The following NRG1 variants were observed in gnomAD, a reference collection of about 807,000 sequenced individuals.
NRG1 encodes the protein neuregulin 1, also known as pro-neuregulin-1, membrane-bound isoform.
A neutral mutation model predicts 63.8 loss-of-function variants in NRG1; 18 were observed. The ratio of observed to expected loss-of-function variants is 0.28; its 90% CI spans 0.19 to 0.42. The LOEUF is 0.42. Ranked by LOEUF, NRG1 falls within the 10% of genes least tolerant of loss-of-function variation. The pLI is 1.00. For synonymous variants in NRG1, 302 were observed against 301.3 expected (o/e 1.00, Z -0.02); for missense variants, 762 against 814.7 (o/e 0.94, Z 0.79).
chr8:31,787,238 C>T lies in NRG1; in HGVS notation c.37+147807C>T, dbSNP rs181284598. Among the ~76,000 whole-genome samples the T allele has an allele frequency of 2.3e-3, 348 of 152,286 alleles. 2 individuals carry two copies. Among genetic ancestry groups the T allele is most frequent in the Non-Finnish European group, 3.6e-3 (248 of 68,008 alleles). On this transcript the variant is annotated intron_variant, in intron 1 of 10. Transcript: ENST00000519301. ...ACCAGCAAAGCAGTTGCATTTGCAT[C>T]TTTAAAATGCAAGTGCAACTTCTTT...
chr8:31,976,768 A>G (rs989061142), intron 1 of NRG1, among the ~76,000 whole-genome samples: 3 of 152,098 alleles, frequency 2.0e-5, no homozygotes, highest in African/African-American at 7.2e-5. Flanking sequence ...TGAAACAGAC[A>G]ATGGTTCACA....
intron 1 of NRG1, among the ~76,000 whole-genome samples, chr8:31,917,118 T>G (rs1458173736): frequency 8.2e-6 from 1 of 122,020 alleles, no homozygotes; most frequent in Non-Finnish European, 1.7e-5. Context: ...CTTTGTCAGA[T>G]GAATAGGTTG....
chr8:31,869,476 C>CCA (rs1377966966), intron 1 of NRG1, among the ~76,000 whole-genome samples: 1 of 152,162 alleles, frequency 6.6e-6, no homozygotes, highest in African/African-American at 2.4e-5. Flanking sequence ...CCAGACATTG[C>CCA]CACATCATTC....
rs560565314 is a variant in NRG1 at position 32,078,437 on chromosome 8, C to G, written c.37+439006C>G. ...ACCATGAGCCAAATCAACCACTTTT[C>G]TTTATGAATTATTCAGTCCCAGGTA... On this transcript the variant is annotated intron_variant, in intron 1 of 10. Coordinates refer to the NRG1 transcript ENST00000519301. 4.4e-4 allele frequency among the ~76,000 whole-genome samples: 67 copies of G among 152,298 alleles called. No homozygotes were observed. The Middle Eastern group carries it at 0.014, about 31-fold the overall frequency.
chr8:32,158,811 A>G (rs1003480380), intron 1 of NRG1, among the ~76,000 whole-genome samples: 3 of 152,000 alleles, frequency 2.0e-5, no homozygotes, highest in African/African-American at 7.2e-5. Context: ...GTTGGGAGGT[A>G]AGGGTGAGGG....
At chr8:32,373,533 A>G (rs1809205016) in intron 1 of NRG1, among the ~76,000 whole-genome samples, 1 of 152,208 alleles carries the variant, frequency 6.6e-6, no homozygotes, top group Non-Finnish European at 1.5e-5. Context: ...TATTAAGTAA[A>G]TCAATACATG....
rs189360490 is a variant in NRG1, at chr8:32,199,179, C to A, written c.38-396649C>A. 6.6e-5 allele frequency among the ~76,000 whole-genome samples: 10 copies of A among 152,118 alleles called. No homozygotes were observed. In the East Asian group the frequency reaches 1.9e-3, roughly 29 times the overall value. On this transcript the variant is annotated intron_variant, in intron 1 of 10. Transcript: ENST00000519301. ...GTCATATGCCTATCCATGGAGTTAA[C>A]CTAGTTTCATTTTGTTTTTCATGGC... is the stretch of plus-strand genomic sequence containing the variant.
intron 1 of NRG1, among the ~76,000 whole-genome samples, chr8:32,060,920 G>C (rs1823741822): frequency 6.6e-6 from 1 of 151,518 alleles, no homozygotes; most frequent in African/African-American, 2.4e-5. Context: ...GCTAAGATTA[G>C]GTTTTAGATT....
chr8:32,740,247 G>A (rs1300841769), intron 6 of NRG1, among the ~76,000 whole-genome samples: 2 of 140,672 alleles, frequency 1.4e-5, no homozygotes, highest in Non-Finnish European at 3.0e-5. Context: ...CCAGGCTGGA[G>A]TGCAATGGCA....
At chr8:32,471,169 T>C (rs2129490565) in intron 1 of NRG1, among the ~76,000 whole-genome samples, 1 of 152,356 alleles carries the variant, frequency 6.6e-6, no homozygotes, top group East Asian at 1.9e-4. Flanking sequence ...CCATTTCTAA[T>C]TCAGACACTA....
chr8:32,021,059 G>A lies in NRG1; in HGVS notation c.37+381628G>A, dbSNP rs765700205. On this transcript the variant is annotated intron_variant, in intron 1 of 10. Transcript: ENST00000519301. ...TTACTATTTTCAAAGTTGAAATTGC[G>A]TTATATGTTTAAGCTGCCATTTAAA... is the stretch of plus-strand genomic sequence containing the variant. Among the ~76,000 whole-genome samples the A allele has an allele frequency of 5.9e-4, 90 of 152,208 alleles. No homozygotes were observed. In the Middle Eastern group the frequency reaches 0.02, roughly 35 times the overall value.
At chr8:31,822,419 C>G (rs923511901) in intron 1 of NRG1, among the ~76,000 whole-genome samples, 3 of 151,926 alleles carry the variant, frequency 2.0e-5, no homozygotes, top group African/African-American at 7.3e-5. Flanking sequence ...GTCTCCCTCT[C>G]TTAAAAAAAA....
intron 1 of NRG1, among the ~76,000 whole-genome samples, chr8:31,724,643 AC>A (rs1457874886): frequency 2.0e-5 from 3 of 152,190 alleles, no homozygotes; most frequent in African/African-American, 7.2e-5. Context: ...AATTAGCATT[AC>A]CAAATTTATC....
chr8:32,205,252 A>T (rs1459182597), intron 1 of NRG1, among the ~76,000 whole-genome samples: 2 of 152,154 alleles, frequency 1.3e-5, no homozygotes, highest in African/African-American at 4.8e-5. Context: ...TTGATTCTAC[A>T]TTACTTATGT....
At chr8:32,103,879 C>T (rs747067704) in intron 1 of NRG1, among the ~76,000 whole-genome samples, 5 of 152,106 alleles carry the variant, frequency 3.3e-5, no homozygotes, top group Admixed American at 2.6e-4. Context: ...CCTGACTTGT[C>T]TCAGACATGC....
chr8:32,769,125 G>A (rs915262659), downstream of NRG1, among the ~76,000 whole-genome samples: 3 of 152,144 alleles, frequency 2.0e-5, no homozygotes, highest in Non-Finnish European at 1.5e-5. Flanking sequence ...TAGTCATTTA[G>A]CCAACCAGCC....
intron 1 of NRG1, among the ~76,000 whole-genome samples, chr8:31,913,917 A>G (rs1833154432): frequency 6.6e-6 from 1 of 152,212 alleles, no homozygotes; most frequent in Admixed American, 6.5e-5. Context: ...GTCCCAAGGC[A>G]AAACTGAAAT....
At chr8:32,176,104 AGC>A (rs1840701073) in intron 1 of NRG1, among the ~76,000 whole-genome samples, 1 of 152,234 alleles carries the variant, frequency 6.6e-6, no homozygotes, top group African/African-American at 2.4e-5. Context: ...TAACCAAAAC[AGC>A]ATGGTACTGA....
intron 1 of NRG1, among the ~76,000 whole-genome samples, chr8:32,327,031 A>C (rs753315320): frequency 2.6e-5 from 4 of 152,228 alleles, no homozygotes; most frequent in Non-Finnish European, 5.9e-5. Context: ...ATGGAATAAA[A>C]TAATGAATCG....
Sources: allele counts gnomAD v4.1 joint callset (sites outside exome capture counted in the v4.1 genomes callset), GRCh38; gene constraint gnomAD v4.1.1; transcripts MANE v1.5; gene names NCBI Gene and HGNC (gene_info 2026-07-23, HGNC 2026-07-21).